Variants in ZDHHC17 observed in about 807,000 individuals in gnomAD.
ZDHHC17 encodes zDHHC palmitoyltransferase 17.
Under a neutral mutation model 90.3 loss-of-function variants are expected in ZDHHC17, and 40 were observed. The ratio of observed to expected loss-of-function variants is 0.44; its 90% confidence interval spans 0.34 to 0.58. The LOEUF (loss-of-function observed/expected upper bound fraction) is 0.58, where lower values mean the gene tolerates loss of function less well. Among genes scored for constraint, ZDHHC17 ranks in the 20% least tolerant of loss-of-function variants. The pLI, the probability that ZDHHC17 is intolerant of heterozygous loss-of-function variation, is 0.01. For missense variants in ZDHHC17, 614 were observed against 780.8 expected, an observed-to-expected ratio of 0.79 and a Z score of 2.55; for synonymous variants, 235 against 252.4, an observed-to-expected ratio of 0.93 and a Z score of 0.65.
In ZDHHC17 at chr12:76,845,732, A is replaced by G. The variant is rs757043436; in HGVS notation, c.1353A>G (p.Lys451=). Residue 451 remains lysine (K), a synonymous_variant, in exon 13 of 17, where the codon AAA becomes AAG. Coordinates refer to ENST00000426126, the MANE Select transcript of ZDHHC17 (RefSeq NM_015336.4). The part of the protein sequence containing the change: ...TCLIRKPVRS[K]HCGVCNRCIA... Reference sequence around the variant, plus strand: ...AGATACGAAAACCGGTGAGGTCCAAACATTGTGGTGTGTGCAACCGCTGTA... The same window carrying G: ...AGATACGAAAACCGGTGAGGTCCAAGCATTGTGGTGTGTGCAACCGCTGTA... 3.9e-5 allele frequency: 63 copies of G among 1,610,166 alleles called. No individual in the cohort carries two copies. Among genetic ancestry groups the G allele is most frequent in the Non-Finnish European group, 5.1e-5 (60 of 1,177,576 alleles).
intron 10 of ZDHHC17, among the ~76,000 whole-genome samples, chr12:76,833,118 C>G (rs1483310472): frequency 2.6e-5 from 4 of 152,106 alleles, no homozygotes; most frequent in Non-Finnish European, 5.9e-5. Context: ...ACTGTTTGTT[C>G]TAGTAAGTTC....
chr12:76,785,194 A>G (rs796819740), intron 1 of ZDHHC17, among the ~76,000 whole-genome samples: 3 of 152,232 alleles, frequency 2.0e-5, no homozygotes, highest in African/African-American at 7.2e-5. Context: ...CATTTTTTTC[A>G]GGTAATAATA....
intron 7 of ZDHHC17, among the ~76,000 whole-genome samples, chr12:76,817,528 A>G (rs1953104471): frequency 6.6e-6 from 1 of 152,122 alleles, no homozygotes; most frequent in South Asian, 2.1e-4. Context: ...CCAAAGAATT[A>G]TGACAGTAAG....
chr12:76,827,158 TTAAA>T (rs1408147215), intron 9 of ZDHHC17, 108 bp downstream of exon 9: 38 of 1,238,160 alleles, frequency 3.1e-5, no homozygotes, highest in Non-Finnish European at 4.0e-5. Context: ...CTTAATTTAT[TTAAA>T]TAATTTAGAC....
At chr12:76,847,471 G>T (rs1953508026) in intron 14 of ZDHHC17, among the ~76,000 whole-genome samples, 2 of 152,186 alleles carry the variant, frequency 1.3e-5, no homozygotes, top group Non-Finnish European at 2.9e-5. Flanking sequence ...CTAATTTCTG[G>T]CCCAGCACAC....
At chr12:76,828,688 G>A (rs999453110) in intron 10 of ZDHHC17, among the ~76,000 whole-genome samples, 198 bp downstream of exon 10, 13 of 152,116 alleles carry the variant, frequency 8.5e-5, no homozygotes, top group Non-Finnish European at 1.5e-5. Flanking sequence ...TTTAATAACA[G>A]CATATAAATA....
intron 7 of ZDHHC17, among the ~76,000 whole-genome samples, chr12:76,818,119 G>C (rs1254834413): frequency 1.3e-5 from 2 of 152,056 alleles, no homozygotes; most frequent in African/African-American, 4.8e-5. Context: ...TGGAGTGATG[G>C]TACTTCTAAA....
rs1475234536 is a variant in ZDHHC17 at position 76,764,260 on chromosome 12, C to T, written c.24C>T (p.Asn8=). The change falls in exon 1 of 17, where the codon AAC becomes AAT. Residue 8 remains asparagine (N), a synonymous_variant. Transcript: ENST00000426126. MQREEGF[N]TKMADGPDEY... is the part of the protein sequence containing the mutation. ...GCATGCAGCGGGAGGAGGGATTTAACACCAAGATGGCGGACGGCCCGGATG... is the reference window on the plus strand; with the variant it reads ...GCATGCAGCGGGAGGAGGGATTTAATACCAAGATGGCGGACGGCCCGGATG... 3 of 1,603,908 alleles carry T rather than the reference C, an allele frequency of 1.9e-6. No individual in the cohort carries two copies. The highest frequency in any genetic ancestry group is 3.4e-5 in the Admixed American group (2 of 59,108).
chr12:76,775,276 A>G (rs1193537760), intron 1 of ZDHHC17, among the ~76,000 whole-genome samples: 1 of 152,186 alleles, frequency 6.6e-6, no homozygotes, highest in Non-Finnish European at 1.5e-5. Flanking sequence ...AACTTGTGGA[A>G]TGTGTGTCAG....
Position 76,788,688 on chromosome 12 carries a change from A to ATATTTTTTTTT in ZDHHC17, c.94-8745_94-8744insATTTTTTTTTT, listed in dbSNP as rs61663401. Among the ~76,000 whole-genome samples, 446 of 98,588 alleles carry ATATTTTTTTTT rather than the reference A, an allele frequency of 4.5e-3. 80 individuals are homozygous for ATATTTTTTTTT. Among genetic ancestry groups the ATATTTTTTTTT allele is most frequent in the African/African-American group, 0.014 (342 of 25,066 alleles). 64.7% of individuals were successfully genotyped at this position (98,588 alleles called of 152,430 possible). On this transcript the variant is annotated intron_variant, in intron 1 of 16. Coordinates refer to ENST00000426126, the MANE Select transcript of ZDHHC17 (RefSeq NM_015336.4). ...AAAATATATTTAAGTTGGAATCGCA[A>ATATTTTTTTTT]TTTTTTTTTTTTTTTTTTTTTTTTT...
intron 15 of ZDHHC17, among the ~76,000 whole-genome samples, chr12:76,848,772 G>C (rs776246144): frequency 2.2e-4 from 33 of 151,992 alleles, no homozygotes; most frequent in Non-Finnish European, 4.1e-4. Context: ...CTGATAGGGA[G>C]GTTGTCTGTG....
Position 76,764,137 on chromosome 12 carries a change from G to C in ZDHHC17, c.-100G>C. On this transcript the variant is annotated 5_prime_UTR_variant, in exon 1 of 17. Transcript: ENST00000426126. The stretch of plus-strand genomic sequence containing the variant: ...GGCGTCACGGGGGCAGGAGAAGAAG[G>C]AGGAGGAGGCCCGCGTCGCCTCCGG... The C allele has an allele frequency of 1.1e-6, 1 of 903,642 alleles. No homozygotes were observed. Among genetic ancestry groups the C allele is most frequent in the Non-Finnish European group, 1.7e-6 (1 of 601,676 alleles). The allele number at this position is 903,642 out of a possible 1,614,324, so 56.0% of individuals were successfully genotyped here. A position where few individuals can be genotyped will look rare whatever the true frequency, so the allele number is the denominator to read the frequency against.
chr12:76,774,005 T>C (rs963662814), intron 1 of ZDHHC17, among the ~76,000 whole-genome samples: 20 of 152,292 alleles, frequency 1.3e-4, no homozygotes, highest in African/African-American at 4.8e-4. Context: ...ATCCCAGCAC[T>C]TTGGGAGGCT....
At chr12:76,764,963 G>A (rs1952415207) in intron 1 of ZDHHC17, among the ~76,000 whole-genome samples, 1 of 152,166 alleles carries the variant, frequency 6.6e-6, no homozygotes, top group South Asian at 2.1e-4. Flanking sequence ...TAGGAGCTAG[G>A]GGTGGACAGT....
rs1342396445 is a variant in ZDHHC17, at chr12:76,795,482, T to C, written c.94-1952T>C. 2.6e-5 allele frequency among the ~76,000 whole-genome samples: 4 copies of C among 152,178 alleles called. No individual in the cohort carries two copies. The East Asian group carries it at 7.7e-4, about 29-fold the overall frequency. ...AGATGTGATCAAGTTTTTATTCTTT[T>C]TCAGGTATCTTACAGCCATATAGAT... On this transcript the variant is annotated intron_variant, in intron 1 of 16. Transcript: ENST00000426126.
intron 1 of ZDHHC17, chr12:76,769,015 A>G (rs1031595524): frequency 5.6e-6 from 2 of 356,428 alleles, no homozygotes; most frequent in South Asian, 4.1e-5. Context: ...GCTATTATCT[A>G]CTGTCCTCAC....
At chr12:76,830,467 GA>G (rs34894489) in intron 10 of ZDHHC17, among the ~76,000 whole-genome samples, 58,333 of 151,928 alleles carry the variant, frequency 0.38, 11,705 homozygotes, top group East Asian at 0.65. Flanking sequence ...AGTATCTATT[GA>G]AATTCTTCCA....
At chr12:76,821,740 G>T (rs933476529) in intron 7 of ZDHHC17, among the ~76,000 whole-genome samples, 2 of 151,958 alleles carry the variant, frequency 1.3e-5, no homozygotes, top group Admixed American at 6.6e-5. Context: ...CCTAAAATTG[G>T]GAATGCTTAT....
chr12:76,849,622 C>G, intron 16 of ZDHHC17, 152 bp downstream of exon 16: 1 of 525,346 alleles, frequency 1.9e-6, no homozygotes, highest in Non-Finnish European at 3.3e-6. Flanking sequence ...AACAACAAAA[C>G]AGAATTCATC....
Sources: allele counts gnomAD v4.1 joint callset (sites outside exome capture counted in the v4.1 genomes callset), GRCh38; gene constraint gnomAD v4.1.1; transcripts MANE v1.5; gene names NCBI Gene and HGNC (gene_info 2026-07-23, HGNC 2026-07-21).